The following SNTB1 variants were observed in gnomAD, a reference collection of about 807,000 sequenced individuals.
SNTB1 encodes beta-1-syntrophin.
Under a neutral mutation model 48.9 loss-of-function variants are expected in SNTB1, and 36 were observed. The ratio of observed to expected loss-of-function variants is 0.74; its 90% CI spans 0.56 to 0.97. SNTB1 has a LOEUF of 0.97. SNTB1 is among the 50% of genes least tolerant of loss of function. SNTB1 has a pLI of 0.00. For synonymous variants in SNTB1, 299 were observed against 294.6 expected, an observed-to-expected ratio of 1.01 and a Z score of -0.15; for missense variants, 786 against 703.4, an observed-to-expected ratio of 1.12 and a Z score of -1.33.
In SNTB1 at chr8:120,541,803, C is replaced by T. The variant is rs1052036783; in HGVS notation, c.1524+7G>A. ...AAATCACACTGTCTAAAGAAAAGTACACTTACAATCTCTCCATCTTTGCCT... is the reference window on the plus strand; with the variant it reads ...AAATCACACTGTCTAAAGAAAAGTATACTTACAATCTCTCCATCTTTGCCT... On this transcript the variant is annotated splice_region_variant and intron_variant, in intron 6 of 6. Coordinates refer to ENST00000517992, the MANE Select transcript of SNTB1 (RefSeq NM_021021.4). 5 of 1,595,350 alleles carry T rather than the reference C, an allele frequency of 3.1e-6. No individual in the cohort carries two copies. Among genetic ancestry groups the T allele is most frequent in the Non-Finnish European group, 4.3e-6 (5 of 1,169,698 alleles).
chr8:120,542,714 A>T (rs1815310603), intron 5 of SNTB1, among the ~76,000 whole-genome samples: 1 of 150,884 alleles, frequency 6.6e-6, no homozygotes, highest in South Asian at 2.1e-4. Flanking sequence ...TATCATCCAC[A>T]CACACACACA....
chr8:120,599,765 G>A (rs10108821), intron 3 of SNTB1, among the ~76,000 whole-genome samples: 11 of 151,986 alleles, frequency 7.2e-5, no homozygotes, highest in Non-Finnish European at 1.6e-4. Flanking sequence ...AATGATAGAT[G>A]CTTCTCTTTA....
In SNTB1 at chr8:120,712,532, G is replaced by A. The variant is rs117474864; in HGVS notation, c.572-18624C>T. On this transcript the variant is annotated intron_variant, in intron 1 of 6. Coordinates refer to ENST00000517992, the MANE Select transcript of SNTB1 (RefSeq NM_021021.4). ...CCAAACAAGGAGGTCAAGGATAGAA[G>A]CACTATTAAGTCCTAATTTTATATG... Among the ~76,000 whole-genome samples, 100 of 151,958 alleles carry A rather than the reference G, an allele frequency of 6.6e-4. 1 individual carries two copies. In the East Asian group the frequency reaches 0.017, roughly 26 times the overall value.
At chr8:120,672,240 T>C (rs1262995779) in intron 2 of SNTB1, among the ~76,000 whole-genome samples, 1 of 152,226 alleles carries the variant, frequency 6.6e-6, no homozygotes, top group Non-Finnish European at 1.5e-5. Flanking sequence ...CAACTTATGA[T>C]GGGCTTATCA....
intron 1 of SNTB1, among the ~76,000 whole-genome samples, chr8:120,712,222 G>C: frequency 6.6e-6 from 1 of 151,860 alleles, no homozygotes; most frequent in East Asian, 1.9e-4. Context: ...AGACCATCCT[G>C]GCTAACACGG....
chr8:120,677,735 C>T (rs1022090150), intron 2 of SNTB1, among the ~76,000 whole-genome samples: 2 of 152,056 alleles, frequency 1.3e-5, no homozygotes, highest in African/African-American at 2.4e-5. Context: ...ATACTATCAT[C>T]CTCATTTCAT....
At chr8:120,722,112 C>A (rs1818671057) in intron 1 of SNTB1, among the ~76,000 whole-genome samples, 1 of 152,094 alleles carries the variant, frequency 6.6e-6, no homozygotes. Context: ...TGTATATGTG[C>A]CACATTTTCT....
intron 3 of SNTB1, among the ~76,000 whole-genome samples, chr8:120,579,209 CAAACAAAG>C (rs1317243860): frequency 2.4e-5 from 3 of 125,314 alleles, no homozygotes; most frequent in South Asian, 2.6e-4. Context: ...AACAAACAAA[CAAACAAAG>C]AGCAAACAAA....
intron 1 of SNTB1, among the ~76,000 whole-genome samples, chr8:120,750,849 G>T (rs1377752389): frequency 6.6e-6 from 1 of 152,082 alleles, no homozygotes; most frequent in Non-Finnish European, 1.5e-5. Context: ...GCATTAGGAA[G>T]GAATTTAAGT....
intron 1 of SNTB1, among the ~76,000 whole-genome samples, chr8:120,803,805 A>C (rs191337671): frequency 2.4e-3 from 367 of 152,296 alleles, no homozygotes; most frequent in African/African-American, 8.4e-3. Context: ...AAGCAATTAA[A>C]ATATCTAAGC....
chr8:120,744,667 C>T (rs773166704), intron 1 of SNTB1, among the ~76,000 whole-genome samples: 1 of 152,006 alleles, frequency 6.6e-6, no homozygotes, highest in Non-Finnish European at 1.5e-5. Flanking sequence ...ACAAAGGAAA[C>T]TTTGAATAGA....
At chr8:120,551,972 TC>T (rs1815488991) in intron 4 of SNTB1, among the ~76,000 whole-genome samples, 2 of 152,174 alleles carry the variant, frequency 1.3e-5, no homozygotes, top group Admixed American at 1.3e-4. Context: ...GTTCCCTTCC[TC>T]CTTCCCTGGC....
intron 2 of SNTB1, among the ~76,000 whole-genome samples, chr8:120,647,472 G>A (rs79401022): frequency 1.4e-3 from 206 of 147,472 alleles, no homozygotes; most frequent in African/African-American, 4.9e-3. Flanking sequence ...GTAGTTGAGC[G>A]GTTTTGAGTG....
At chr8:120,705,807 A>G (rs145104457) in intron 1 of SNTB1, among the ~76,000 whole-genome samples, 1 of 152,354 alleles carries the variant, frequency 6.6e-6, no homozygotes, top group African/African-American at 2.4e-5. Flanking sequence ...ACATATTAGT[A>G]GTGTGACAAT....
At chr8:120,687,791 C>T (rs998739831) in intron 2 of SNTB1, among the ~76,000 whole-genome samples, 2 of 152,236 alleles carry the variant, frequency 1.3e-5, no homozygotes, top group Admixed American at 6.5e-5. Context: ...AATCCTCCCA[C>T]GTGGGCATTT....
In SNTB1 at chr8:120,686,751, A is replaced by T. The variant is rs572656429; in HGVS notation, c.788+6941T>A. On this transcript the variant is annotated intron_variant, in intron 2 of 6. Transcript: ENST00000517992. ...TGCAACTCTAGAGTTTTATTCACTG[A>T]TACAAGCATGCAGTTAATCTGGACC... Among the ~76,000 whole-genome samples the T allele has an allele frequency of 2.9e-4, 44 of 152,296 alleles. 2 individuals carry two copies. In the South Asian group the frequency reaches 9.1e-3, roughly 32 times the overall value.
At chr8:120,732,068 T>C (rs1055324239) in intron 1 of SNTB1, among the ~76,000 whole-genome samples, 2 of 152,122 alleles carry the variant, frequency 1.3e-5, no homozygotes, top group African/African-American at 4.8e-5. Flanking sequence ...GGTATGAAAA[T>C]TAAAAGTTGG....
chr8:120,667,398 A>G (rs1348894507), intron 2 of SNTB1, among the ~76,000 whole-genome samples: 1 of 152,172 alleles, frequency 6.6e-6, no homozygotes, highest in Non-Finnish European at 1.5e-5. Flanking sequence ...TTGGAAATCC[A>G]CATGTGAGGA....
chr8:120,656,878 G>T (rs1223653808), intron 2 of SNTB1, among the ~76,000 whole-genome samples: 1 of 152,172 alleles, frequency 6.6e-6, no homozygotes, highest in Non-Finnish European at 1.5e-5. Flanking sequence ...TTAGAAAAAG[G>T]TATAGAAAAT....
Sources: allele counts gnomAD v4.1 joint callset (sites outside exome capture counted in the v4.1 genomes callset), GRCh38; gene constraint gnomAD v4.1.1; transcripts MANE v1.5; gene names NCBI Gene and HGNC (gene_info 2026-07-23, HGNC 2026-07-21).